The following RIN2 variants were observed in gnomAD, a reference collection of about 807,000 sequenced individuals.
RIN2 encodes the protein Ras and Rab interactor 2.
RIN2 carries 36 observed loss-of-function variants against 78.0 expected under a neutral mutation model. The ratio of observed to expected loss-of-function variants is 0.46; its 90% confidence interval spans 0.35 to 0.61. The LOEUF (loss-of-function observed/expected upper bound fraction) is 0.61. Among genes scored for constraint, RIN2 ranks in the 20% least tolerant of loss-of-function variants. RIN2 has a pLI of 0.00. For synonymous variants in RIN2, 466 were observed against 466.8 expected, an observed-to-expected ratio of 1.00 and a Z score of 0.02; for missense variants, 1,087 against 1,159.7, an observed-to-expected ratio of 0.94 and a Z score of 0.91.
chr20:19,853,320 G>A (rs1445969173), intron 2 of RIN2, among the ~76,000 whole-genome samples: 4 of 152,006 alleles, frequency 2.6e-5, no homozygotes, highest in Non-Finnish European at 4.4e-5. Context: ...CTTTGCTATT[G>A]TGAATAATGC....
At chr20:19,886,840 G>C (rs1175220641) in intron 2 of RIN2, 1 of 1,028,134 alleles carries the variant, frequency 9.7e-7, no homozygotes, top group Non-Finnish European at 1.4e-6. Flanking sequence ...TGAAGCTGCT[G>C]GGGTGACATC....
chr20:19,778,350 GC>G (rs1469616355), intron 1 of RIN2, among the ~76,000 whole-genome samples: 4 of 152,210 alleles, frequency 2.6e-5, no homozygotes, highest in Admixed American at 2.0e-4. Context: ...CAAAGTATGT[GC>G]CCAAGTCCTT....
intron 1 of RIN2, among the ~76,000 whole-genome samples, chr20:19,790,242 T>C (rs2034846007): frequency 6.6e-6 from 1 of 152,148 alleles, no homozygotes; most frequent in South Asian, 2.1e-4. Context: ...AAAAATGAAA[T>C]AATCATACAC....
intron 9 of RIN2, among the ~76,000 whole-genome samples, chr20:19,979,530 G>A (rs2042380800): frequency 6.6e-6 from 1 of 152,180 alleles, no homozygotes; most frequent in Non-Finnish European, 1.5e-5. Context: ...ACACCGGAGA[G>A]TATAGCGCAT....
intron 9 of RIN2, among the ~76,000 whole-genome samples, chr20:19,987,531 C>T (rs963328879): frequency 6.6e-6 from 1 of 152,092 alleles, no homozygotes; most frequent in Non-Finnish European, 1.5e-5. Flanking sequence ...CCTCAGTTTC[C>T]CCATCTGTTA....
chr20:19,831,256 CAT>C (rs1014397327), intron 2 of RIN2, among the ~76,000 whole-genome samples: 3 of 152,152 alleles, frequency 2.0e-5, no homozygotes, highest in African/African-American at 7.2e-5. Flanking sequence ...AAAAACGTAA[CAT>C]AAATTTTTAC....
At chr20:19,924,429 T>C (rs1226945088) in intron 3 of RIN2, among the ~76,000 whole-genome samples, 1 of 21,188 alleles carries the variant, frequency 4.7e-5, no homozygotes, top group African/African-American at 1.5e-4. Flanking sequence ...CCTACTTTCA[T>C]ACCCCCACCT....
Position 19,924,175 on chromosome 20 carries a change from A to ACC in RIN2, c.58-10922_58-10921dup, listed in dbSNP as rs1435919436. Among the ~76,000 whole-genome samples, 23 of 44,814 alleles carry ACC rather than the reference A, an allele frequency of 5.1e-4. 3 individuals are homozygous for ACC. Among genetic ancestry groups the ACC allele is most frequent in the South Asian group, 1.1e-3 (1 of 934 alleles). 29.4% of individuals were successfully genotyped at this position (44,814 alleles called of 152,430 possible). A position where few individuals can be genotyped will look rare whatever the true frequency, so the allele number is the denominator to read the frequency against. Reference sequence around the variant, plus strand: ...TACCTCTTTATACCCCCACCTTCATACCCACACCTTCATACCCCACCTTCA... The same window carrying ACC: ...TACCTCTTTATACCCCCACCTTCATACCCCCACACCTTCATACCCCACCTTCA... On this transcript the variant is annotated intron_variant, in intron 3 of 12. Transcript: ENST00000255006.
In RIN2 at chr20:19,878,688, C is replaced by T. The variant is rs543597164; in HGVS notation, c.-36-10878C>T. Reference sequence around the variant, plus strand: ...GAAAATGCCAGTGTCCACCCAGCATCCTCATGGGTGGCACGAAAACCCAGA... The same window carrying T: ...GAAAATGCCAGTGTCCACCCAGCATTCTCATGGGTGGCACGAAAACCCAGA... On this transcript the variant is annotated intron_variant, in intron 2 of 12. Transcript: ENST00000255006. Among the ~76,000 whole-genome samples, 5 of 152,258 alleles carry T rather than the reference C, an allele frequency of 3.3e-5. No individual in the cohort carries two copies. In the East Asian group the frequency reaches 9.7e-4, roughly 29 times the overall value.
intron 3 of RIN2, 136 bp from the exon 4 acceptor site, chr20:19,934,963 A>G (rs2040575907): frequency 1.6e-6 from 1 of 628,142 alleles, no homozygotes; most frequent in Middle Eastern, 2.9e-4. Flanking sequence ...CACAGAGCCA[A>G]GATTAAAAAA....
chr20:19,834,739 C>T (rs1450514446), intron 2 of RIN2, among the ~76,000 whole-genome samples: 2 of 152,074 alleles, frequency 1.3e-5, no homozygotes, highest in Non-Finnish European at 2.9e-5. Flanking sequence ...GACCTGACAT[C>T]CCAATCTTCT....
intron 3 of RIN2, among the ~76,000 whole-genome samples, chr20:19,900,980 T>C (rs1289054217): frequency 7.0e-6 from 1 of 142,590 alleles, no homozygotes; most frequent in Non-Finnish European, 1.5e-5. Flanking sequence ...AAAAGAAATG[T>C]ACTTCTTGGA....
intron 2 of RIN2, among the ~76,000 whole-genome samples, chr20:19,844,593 GCTTCTTCCTCTTCTT>G (rs1217564376): frequency 1.4e-4 from 9 of 64,066 alleles, no homozygotes; most frequent in African/African-American, 4.1e-4. Context: ...TGCTGCTGCT[GCTTCTTCCTCTTCTT>G]CTTCTTCTTC....
rs1223863060 is a variant in RIN2 at position 19,919,843 on chromosome 20, AT to A, written c.58-15251del. Among the ~76,000 whole-genome samples, 4 of 152,262 alleles carry A rather than the reference AT, an allele frequency of 2.6e-5. No individual in the cohort carries two copies. The East Asian group carries it at 7.7e-4, about 29-fold the overall frequency. On this transcript the variant is annotated intron_variant, in intron 3 of 12. Coordinates refer to ENST00000255006, the MANE Select transcript of RIN2 (RefSeq NM_018993.4). Reference sequence around the variant, plus strand: ...AAAAATGTGAAAGTGCACATTATGTATTTTTCTTCCCTATTGTAGACCCAAA... The same window carrying A: ...AAAAATGTGAAAGTGCACATTATGTATTTTCTTCCCTATTGTAGACCCAAA...
At chr20:19,877,221 G>A (rs2037885567) in intron 2 of RIN2, among the ~76,000 whole-genome samples, 1 of 152,150 alleles carries the variant, frequency 6.6e-6, no homozygotes, top group Non-Finnish European at 1.5e-5. Context: ...GTGATTCTCA[G>A]GCATGTTATC....
At position 19,989,965 on chromosome 20, in the gene RIN2, T is replaced by G. The variant is rs1032523264; in HGVS notation, c.1763-41T>G. On this transcript the variant is annotated intron_variant, in intron 9 of 12. Transcript: ENST00000255006. ...GAAAGCAGATGTTGCATTTCTTCTTTCTTCAGACAATAGTCATAGTAGCTA... is the reference window on the plus strand; with the variant it reads ...GAAAGCAGATGTTGCATTTCTTCTTGCTTCAGACAATAGTCATAGTAGCTA... 4.1e-6 allele frequency: 6 copies of G among 1,477,090 alleles called. No individual in the cohort carries two copies. The African/African-American group carries it at 7.1e-5, about 17-fold the overall frequency. The allele number at this position is 1,477,090 out of a possible 1,614,324, so 91.5% of individuals were successfully genotyped here.
At chr20:19,886,570 T>G in intron 2 of RIN2, 1 of 669,652 alleles carries the variant, frequency 1.5e-6, no homozygotes, top group Non-Finnish European at 2.6e-6. Context: ...ATGTTTGCAG[T>G]GTCCTTAGTC....
chr20:19,810,683 CTTTTT>C lies in RIN2; in HGVS notation c.-37+10958_-37+10962del, dbSNP rs535994979. 7.9e-3 allele frequency among the ~76,000 whole-genome samples: 789 copies of C among 99,440 alleles called. 7 individuals carry two copies. The highest frequency in any genetic ancestry group is 0.031 in the African/African-American group (744 of 24,096). The allele number at this position is 99,440 out of a possible 152,430, so 65.2% of individuals were successfully genotyped here. A position where few individuals can be genotyped will look rare whatever the true frequency, so the allele number is the denominator to read the frequency against. ...TTGATCATGTTAAGATTATAAGGTA[CTTTTT>C]TTTTTTTTTTTTTTTTTTTTTGAGA... is the stretch of plus-strand genomic sequence containing the variant. On this transcript the variant is annotated intron_variant, in intron 2 of 12. Coordinates refer to ENST00000255006, the MANE Select transcript of RIN2 (RefSeq NM_018993.4).
intron 2 of RIN2, among the ~76,000 whole-genome samples, chr20:19,847,304 C>T (rs527324056): frequency 6.6e-6 from 1 of 152,316 alleles, no homozygotes; most frequent in South Asian, 2.1e-4. Context: ...TCTACCCTTG[C>T]TCATAAAACT....
Sources: allele counts gnomAD v4.1 joint callset (sites outside exome capture counted in the v4.1 genomes callset), GRCh38; gene constraint gnomAD v4.1.1; transcripts MANE v1.5; gene names NCBI Gene and HGNC (gene_info 2026-07-23, HGNC 2026-07-21).